EPHB1: variants seen among roughly 807,000 people sequenced by gnomAD.
EPHB1 encodes EPH receptor B1.
A neutral mutation model predicts 94.4 loss-of-function variants in EPHB1; 30 were observed. That is an observed-to-expected ratio of 0.32 (90% CI 0.24 to 0.43). The LOEUF (loss-of-function observed/expected upper bound fraction) is 0.43, where lower values mean the gene tolerates loss of function less well. Among genes scored for constraint, EPHB1 ranks in the 20% least tolerant of loss-of-function variants. The pLI is 1.00. For missense variants in EPHB1, 1,055 were observed against 1,308.3 expected (o/e 0.81, Z 2.99); for synonymous variants, 522 against 489.1 (o/e 1.07, Z -0.89).
At chr3:134,968,731 C>G (rs1027055147) in intron 3 of EPHB1, among the ~76,000 whole-genome samples, 5 of 152,174 alleles carry the variant, frequency 3.3e-5, no homozygotes, top group African/African-American at 1.2e-4. Flanking sequence ...TCCTGTTTCT[C>G]CATCCCCCAC....
Position 135,241,179 on chromosome 3 carries a change from C to A in EPHB1, c.2378C>A (p.Pro793Gln). Reference sequence around the variant, plus strand: ...AAGATCCCTGTGAGATGGACAGCTCCAGAGGCCATCGCCTACCGCAAGTTC... The same window carrying A: ...AAGATCCCTGTGAGATGGACAGCTCAAGAGGCCATCGCCTACCGCAAGTTC... ...GGKIPVRWTA[P>Q]EAIAYRKFTS... The change falls in exon 13 of 16, where the codon CCA becomes CAA. Residue 793 changes from proline to glutamine, a missense_variant. By Grantham distance (76) the Pro-to-Gln change is moderately conservative. Transcript: ENST00000398015. 6.2e-7 allele frequency: 1 copy of A among 1,614,170 alleles called. No individual in the cohort carries two copies. The highest frequency in any genetic ancestry group is 8.5e-7 in the Non-Finnish European group (1 of 1,180,032).
chr3:135,061,427 A>G (rs1354380909), intron 3 of EPHB1, among the ~76,000 whole-genome samples: 2 of 127,690 alleles, frequency 1.6e-5, no homozygotes, highest in African/African-American at 5.9e-5. Flanking sequence ...TTGCATCCTC[A>G]TGGCTTAGCT....
At chr3:135,079,533 C>G (rs1288387378) in intron 3 of EPHB1, among the ~76,000 whole-genome samples, 2 of 152,136 alleles carry the variant, frequency 1.3e-5, no homozygotes, top group Non-Finnish European at 2.9e-5. Flanking sequence ...AGGCTCTGCT[C>G]TAAAACCTGG....
chr3:135,167,732 C>T (rs2107700300), intron 9 of EPHB1, among the ~76,000 whole-genome samples: 1 of 152,320 alleles, frequency 6.6e-6, no homozygotes, highest in South Asian at 2.1e-4. Flanking sequence ...ATCCTTACAG[C>T]AGACACATTC....
At chr3:135,030,099 A>G (rs1936378311) in intron 3 of EPHB1, among the ~76,000 whole-genome samples, 1 of 150,706 alleles carries the variant, frequency 6.6e-6, no homozygotes, top group Non-Finnish European at 1.5e-5. Context: ...ACTTCTCTGT[A>G]TTGGTTATTC....
At chr3:135,074,259 T>C (rs952985406) in intron 3 of EPHB1, among the ~76,000 whole-genome samples, 4 of 152,350 alleles carry the variant, frequency 2.6e-5, no homozygotes, top group African/African-American at 9.6e-5. Flanking sequence ...ATCAGTGGAG[T>C]GTTTAAATAT....
chr3:135,225,528 C>T (rs1318332685), intron 12 of EPHB1, among the ~76,000 whole-genome samples: 1 of 152,146 alleles, frequency 6.6e-6, no homozygotes, highest in Non-Finnish European at 1.5e-5. Flanking sequence ...GTTCATTAGC[C>T]TCATATAAAA....
chr3:135,033,463 T>C (rs1936549438), intron 3 of EPHB1, among the ~76,000 whole-genome samples: 1 of 152,126 alleles, frequency 6.6e-6, no homozygotes, highest in Non-Finnish European at 1.5e-5. Flanking sequence ...TTCTCAAACC[T>C]CCTGACTCTA....
At chr3:135,128,587 C>G (rs1940300758) in intron 4 of EPHB1, among the ~76,000 whole-genome samples, 6 of 152,172 alleles carry the variant, frequency 3.9e-5, no homozygotes, top group Admixed American at 3.9e-4. Context: ...CAGACAGAAC[C>G]CAGCATTGTT....
At position 135,068,749 on chromosome 3, in the gene EPHB1, C is replaced by T. The variant is rs570143963; in HGVS notation, c.806-37699C>T. 3.4e-4 allele frequency among the ~76,000 whole-genome samples: 52 copies of T among 151,530 alleles called. 1 individual carries two copies. The highest frequency in any genetic ancestry group is 1.1e-3 in the African/African-American group (46 of 41,378). On this transcript the variant is annotated intron_variant, in intron 3 of 15. Coordinates refer to ENST00000398015, the MANE Select transcript of EPHB1 (RefSeq NM_004441.5). ...CTGCAAGCTCCACTTCCCAGGTTCGCGCCATTCTCCTGCCTCAGCCTCCTG... is the reference window on the plus strand; with the variant it reads ...CTGCAAGCTCCACTTCCCAGGTTCGTGCCATTCTCCTGCCTCAGCCTCCTG...
intron 2 of EPHB1, among the ~76,000 whole-genome samples, chr3:134,948,068 A>G (rs1207733624): frequency 6.6e-6 from 1 of 152,174 alleles, no homozygotes; most frequent in Non-Finnish European, 1.5e-5. Context: ...TGCTAGAATT[A>G]TAGGCATAAG....
At chr3:134,907,707 A>G (rs1277480679) in intron 1 of EPHB1, among the ~76,000 whole-genome samples, 2 of 152,150 alleles carry the variant, frequency 1.3e-5, no homozygotes, top group African/African-American at 4.8e-5. Context: ...GAAATCTTAA[A>G]GAAAAAGAGA....
chr3:134,900,661 G>A (rs138682494), intron 1 of EPHB1, among the ~76,000 whole-genome samples: 43 of 152,296 alleles, frequency 2.8e-4, no homozygotes, highest in Non-Finnish European at 4.0e-4. Context: ...GAGCAAGTGT[G>A]TGTGGTGTGC....
intron 9 of EPHB1, among the ~76,000 whole-genome samples, chr3:135,175,796 C>T (rs1941963040): frequency 6.6e-6 from 1 of 151,942 alleles, no homozygotes; most frequent in African/African-American, 2.4e-5. Context: ...ATAATATTTC[C>T]CCAACACTCA....
At chr3:134,964,196 T>C (rs918454730) in intron 3 of EPHB1, among the ~76,000 whole-genome samples, 7 of 152,090 alleles carry the variant, frequency 4.6e-5, no homozygotes, top group Admixed American at 2.6e-4. Context: ...CCCAGCAGCA[T>C]TGAGTAGAGG....
chr3:134,807,577 G>T lies in EPHB1; in HGVS notation c.58+11888G>T, dbSNP rs563726140. Among the ~76,000 whole-genome samples the T allele has an allele frequency of 1.1e-4, 16 of 150,986 alleles. 1 individual carries two copies. Among genetic ancestry groups the T allele is most frequent in the Admixed American group, 1.1e-3 (16 of 15,148 alleles). The stretch of plus-strand genomic sequence containing the variant: ...GGGAGAGAGAGAGAGAAAAAAAAAA[G>T]TTTGGGACTTTGGTTATGATTATAT... On this transcript the variant is annotated intron_variant, in intron 1 of 15. Transcript: ENST00000398015.
At chr3:134,930,335 A>G (rs1037997777) in intron 2 of EPHB1, among the ~76,000 whole-genome samples, 45 of 152,268 alleles carry the variant, frequency 3.0e-4, no homozygotes, top group African/African-American at 1.1e-3. Context: ...GCTGCTTTAT[A>G]ATCTATTGCA....
At chr3:134,966,174 ATAC>A (rs1933738361) in intron 3 of EPHB1, among the ~76,000 whole-genome samples, 1 of 152,184 alleles carries the variant, frequency 6.6e-6, no homozygotes, top group Non-Finnish European at 1.5e-5. Context: ...TTGAATGAGA[ATAC>A]AAAAATTTTT....
At chr3:134,922,451 T>C (rs567759414) in intron 1 of EPHB1, among the ~76,000 whole-genome samples, 2 of 152,338 alleles carry the variant, frequency 1.3e-5, no homozygotes, top group South Asian at 4.1e-4. Context: ...GCAAATTCTG[T>C]CCAACAGAGT....
Sources: allele counts gnomAD v4.1 joint callset (sites outside exome capture counted in the v4.1 genomes callset), GRCh38; gene constraint gnomAD v4.1.1; transcripts MANE v1.5; gene names NCBI Gene and HGNC (gene_info 2026-07-23, HGNC 2026-07-21).